ROBO2: variants seen among roughly 807,000 people sequenced by gnomAD.
ROBO2 encodes roundabout guidance receptor 2.
Under a neutral mutation model 160.8 loss-of-function variants are expected in ROBO2, and 53 were observed. That is an observed-to-expected ratio of 0.33 (90% CI 0.26 to 0.41). The LOEUF (loss-of-function observed/expected upper bound fraction) is 0.41, where lower values mean the gene tolerates loss of function less well. Ranked by LOEUF, ROBO2 falls within the 10% of genes least tolerant of loss-of-function variation. The probability of loss-of-function intolerance (pLI) is 1.00; values close to 1 mark genes in which losing one functional copy is unlikely to be tolerated. For synonymous variants in ROBO2, 664 were observed against 611.7 expected (o/e 1.09, Z -1.26); for missense variants, 1,577 against 1,722.4 (o/e 0.92, Z 1.49).
At chr3:76,539,085 A>G (rs2108198666) in intron 2 of ROBO2, among the ~76,000 whole-genome samples, 1 of 152,280 alleles carries the variant, frequency 6.6e-6, no homozygotes, top group East Asian at 1.9e-4. Flanking sequence ...TCAGCAAACT[A>G]ACACAGGAAC....
intron 2 of ROBO2, among the ~76,000 whole-genome samples, chr3:77,148,404 A>C (rs374900579): frequency 2.6e-4 from 40 of 152,338 alleles, no homozygotes; most frequent in African/African-American, 9.4e-4. Flanking sequence ...TCCCTCTTCT[A>C]ATCATTTCTG....
At chr3:76,447,278 A>G (rs1468825488) in intron 2 of ROBO2, among the ~76,000 whole-genome samples, 12 of 152,174 alleles carry the variant, frequency 7.9e-5, no homozygotes, top group Non-Finnish European at 1.6e-4. Context: ...GCAGCCAAAA[A>G]ACACATGAAA....
chr3:76,748,395 AC>A (rs968977192), intron 2 of ROBO2, among the ~76,000 whole-genome samples: 1 of 151,752 alleles, frequency 6.6e-6, no homozygotes, highest in Non-Finnish European at 1.5e-5. Flanking sequence ...GATAAAAATC[AC>A]AAAAAATATG....
intron 2 of ROBO2, among the ~76,000 whole-genome samples, chr3:76,007,217 TTAAAA>T (rs1053007828): frequency 2.2e-4 from 33 of 152,294 alleles, no homozygotes; most frequent in Admixed American, 1.2e-3. Flanking sequence ...CTTAGATAAG[TTAAAA>T]TAAAAATCAA....
chr3:77,362,696 C>G (rs1167900614), intron 2 of ROBO2, among the ~76,000 whole-genome samples: 3 of 152,040 alleles, frequency 2.0e-5, no homozygotes, highest in African/African-American at 7.2e-5. Flanking sequence ...TCTCACACTG[C>G]TAATTAAGAC....
intron 2 of ROBO2, among the ~76,000 whole-genome samples, chr3:76,469,253 A>G (rs2078523787): frequency 2.6e-5 from 4 of 152,078 alleles, no homozygotes; most frequent in Admixed American, 2.6e-4. Flanking sequence ...GAGGATGATG[A>G]TAATTGCTAA....
chr3:76,277,545 A>T (rs980349929), intron 2 of ROBO2, among the ~76,000 whole-genome samples: 1 of 151,928 alleles, frequency 6.6e-6, no homozygotes, highest in African/African-American at 2.4e-5. Context: ...AAAATGAAAG[A>T]AGCAAGGAGG....
At chr3:77,001,369 G>A (rs1173190044) in intron 2 of ROBO2, among the ~76,000 whole-genome samples, 1 of 152,108 alleles carries the variant, frequency 6.6e-6, no homozygotes, top group East Asian at 1.9e-4. Context: ...GTCAACATAT[G>A]CTCTAAATTT....
At chr3:77,446,437 C>A (rs898715093) in intron 2 of ROBO2, among the ~76,000 whole-genome samples, 1 of 152,130 alleles carries the variant, frequency 6.6e-6, no homozygotes, top group African/African-American at 2.4e-5. Flanking sequence ...AACTGCTGGG[C>A]AAGTATTAAT....
chr3:75,953,432 C>G (rs1225582257), intron 2 of ROBO2, among the ~76,000 whole-genome samples: 1 of 151,756 alleles, frequency 6.6e-6, no homozygotes, highest in Admixed American at 6.6e-5. Context: ...GAGTTGTTTT[C>G]TTTCTTATTT....
Position 77,548,662 on chromosome 3 carries a change from G to A in ROBO2, c.1060-2156G>A, listed in dbSNP as rs184416235. On this transcript the variant is annotated intron_variant, in intron 7 of 25. Coordinates refer to ENST00000461745, the Ensembl canonical transcript of ROBO2. ...CAGTATTCCTTTTTCTGTATTTGAC[G>A]AAGTGGCATATAATTCCAGAGATAT... Among the ~76,000 whole-genome samples the A allele has an allele frequency of 5.9e-5, 9 of 151,974 alleles. No homozygotes were observed. The East Asian group carries it at 1.2e-3, about 20-fold the overall frequency.
At chr3:76,143,779 C>A (rs556138475) in intron 2 of ROBO2, among the ~76,000 whole-genome samples, 1 of 152,110 alleles carries the variant, frequency 6.6e-6, no homozygotes, top group African/African-American at 2.4e-5. Context: ...GTTACTGAGG[C>A]TAAGTCCCAA....
chr3:75,909,795 T>C (rs1946490674), intron 1 of ROBO2, among the ~76,000 whole-genome samples: 2 of 152,200 alleles, frequency 1.3e-5, no homozygotes, highest in Admixed American at 1.3e-4. Flanking sequence ...GAGGGTTAGA[T>C]GAATTAGGAA....
chr3:77,463,087 T>C (rs1279740943), intron 2 of ROBO2, among the ~76,000 whole-genome samples: 2 of 152,190 alleles, frequency 1.3e-5, no homozygotes, highest in Non-Finnish European at 2.9e-5. Flanking sequence ...GAGGGGACCA[T>C]CTTTCATTGA....
chr3:76,966,830 AC>A (rs1433535897), intron 2 of ROBO2, among the ~76,000 whole-genome samples: 1 of 152,238 alleles, frequency 6.6e-6, no homozygotes, highest in African/African-American at 2.4e-5. Flanking sequence ...CGGTGTGTTT[AC>A]AATAGGTTCA....
intron 2 of ROBO2, among the ~76,000 whole-genome samples, chr3:77,438,539 T>TACACACACACAC (rs77955703): frequency 4.1e-5 from 6 of 147,276 alleles, no homozygotes; most frequent in African/African-American, 1.3e-4. Context: ...GAGAAGGGGA[T>TACACACACACAC]ACACACACAC....
At chr3:76,062,582 T>C (rs1418402984) in intron 2 of ROBO2, among the ~76,000 whole-genome samples, 2 of 152,176 alleles carry the variant, frequency 1.3e-5, no homozygotes, top group African/African-American at 4.8e-5. Flanking sequence ...TAGCAACATA[T>C]GCTTATATGA....
At chr3:76,360,440 T>C (rs1048311274) in intron 2 of ROBO2, among the ~76,000 whole-genome samples, 2 of 152,060 alleles carry the variant, frequency 1.3e-5, no homozygotes, top group African/African-American at 2.4e-5. Flanking sequence ...TATTTGACTT[T>C]GGATACAAAA....
At chr3:76,715,273 C>CT (rs1368210638) in intron 2 of ROBO2, among the ~76,000 whole-genome samples, 2 of 152,134 alleles carry the variant, frequency 1.3e-5, no homozygotes, top group African/African-American at 4.8e-5. Flanking sequence ...GGTATTAATA[C>CT]TTCATGATAT....
Sources: gnomAD v4.1 joint callset for allele counts (sites outside exome capture counted in the v4.1 genomes callset) on GRCh38, gnomAD v4.1.1 for gene constraint, MANE v1.5 for transcripts, NCBI Gene and HGNC (gene_info 2026-07-23, HGNC 2026-07-21) for gene names.